Variants in EYA1 observed in about 807,000 individuals in gnomAD.
The protein encoded by EYA1 is EYA transcriptional coactivator and phosphatase 1.
In EYA1, 16 loss-of-function variants were observed where a neutral mutation model predicts 82.0. The observed-to-expected ratio is 0.20, with a 90% CI of 0.13 to 0.30. EYA1 has a LOEUF of 0.30. EYA1 is among the 10% of genes least tolerant of loss of function. The probability of loss-of-function intolerance (pLI) is 1.00; values close to 1 mark genes in which losing one functional copy is unlikely to be tolerated. For synonymous variants in EYA1, 261 were observed against 264.4 expected (o/e 0.99, Z 0.12); for missense variants, 633 against 730.7 (o/e 0.87, Z 1.54).
chr8:71,547,476 T>C (rs868158379), intron 1 of EYA1: 3 of 152,140 alleles, frequency 2.0e-5, no homozygotes, highest in African/African-American at 4.8e-5. Flanking sequence ...GCCCCATTAT[T>C]GCGCGCACCC....
At chr8:71,401,664 A>G (rs1256216404) in intron 2 of EYA1, among the ~76,000 whole-genome samples, 1 of 152,208 alleles carries the variant, frequency 6.6e-6, no homozygotes, top group Non-Finnish European at 1.5e-5. Flanking sequence ...TTTCTTCATC[A>G]GTCAAATGGG....
chr8:71,300,294 A>T (rs931352336), intron 7 of EYA1, among the ~76,000 whole-genome samples: 1 of 152,214 alleles, frequency 6.6e-6, no homozygotes, highest in African/African-American at 2.4e-5. Flanking sequence ...CTGTCAAGAT[A>T]ATGTTCTGTC....
intron 3 of EYA1, among the ~76,000 whole-genome samples, chr8:71,334,543 C>G (rs1824266465): frequency 6.6e-6 from 1 of 152,012 alleles, no homozygotes; most frequent in African/African-American, 2.4e-5. Context: ...TGGTCAGAGT[C>G]AAAAGGATAG....
intron 11 of EYA1, among the ~76,000 whole-genome samples, chr8:71,261,069 T>C (rs554648739): frequency 1.3e-5 from 2 of 152,160 alleles, no homozygotes; most frequent in Non-Finnish European, 2.9e-5. Context: ...TAAGACCCCA[T>C]GCTGGCTGCC....
chr8:71,441,133 A>T (rs1413944864), intron 2 of EYA1, among the ~76,000 whole-genome samples: 1 of 152,222 alleles, frequency 6.6e-6, no homozygotes, highest in East Asian at 1.9e-4. Context: ...ATTGTAACAT[A>T]ATAGTCATAA....
chr8:71,473,530 C>A (rs1809403562), intron 2 of EYA1, among the ~76,000 whole-genome samples: 1 of 152,006 alleles, frequency 6.6e-6, no homozygotes, highest in Non-Finnish European at 1.5e-5. Context: ...GAATGGTGAT[C>A]ATTAAAAAGT....
chr8:71,511,299 T>C (rs1457667639), intron 2 of EYA1, among the ~76,000 whole-genome samples: 2 of 152,140 alleles, frequency 1.3e-5, no homozygotes, highest in Non-Finnish European at 2.9e-5. Context: ...ATGTGGGTAA[T>C]GAAAAACCAA....
chr8:71,350,258 T>C (rs530671615), intron 3 of EYA1, among the ~76,000 whole-genome samples: 2 of 152,330 alleles, frequency 1.3e-5, no homozygotes, highest in Admixed American at 1.3e-4. Flanking sequence ...AGTTTAGATA[T>C]TTCTTGTAAA....
Position 71,321,781 on chromosome 8 carries a change from T to C in EYA1, c.371A>G (p.Tyr124Cys). ...CTGTCCTGGCTGTGGGTACGTGGCA[T>C]AGGCTGTAGCTTGTTGCATTCCTGT... ...FTTGMQQATA[Y>C]ATYPQPGQPY... Residue 124 changes from tyrosine (Y) to cysteine (C), a missense_variant, in exon 6 of 18, where the codon TAT (tyrosine) becomes TGT (cysteine). Physicochemically the swap from Tyr to Cys is radical, Grantham distance 194 (BLOSUM62 -2). Transcript: ENST00000340726. 1.2e-6 allele frequency: 2 copies of C among 1,614,230 alleles called. No homozygotes were observed. The highest frequency in any genetic ancestry group is 1.1e-5 in the South Asian group (1 of 91,086).
At chr8:71,479,233 T>G (rs956692614) in intron 2 of EYA1, among the ~76,000 whole-genome samples, 3 of 152,166 alleles carry the variant, frequency 2.0e-5, no homozygotes, top group African/African-American at 7.2e-5. Flanking sequence ...AGCTGTTCCA[T>G]GACATTGAGA....
At chr8:71,520,753 G>C (rs1202472070) in intron 2 of EYA1, among the ~76,000 whole-genome samples, 1 of 152,098 alleles carries the variant, frequency 6.6e-6, no homozygotes, top group Admixed American at 6.5e-5. Flanking sequence ...GTTTAAAGCA[G>C]TTGAGATAAT....
At chr8:71,486,315 G>A (rs1810567178) in intron 2 of EYA1, among the ~76,000 whole-genome samples, 2 of 152,142 alleles carry the variant, frequency 1.3e-5, no homozygotes, top group African/African-American at 4.8e-5. Context: ...AATCCTGGGA[G>A]GCACACAGAA....
At chr8:71,317,209 CATGCCATATCACA>C (rs1276753628) in intron 7 of EYA1, among the ~76,000 whole-genome samples, 2 of 152,170 alleles carry the variant, frequency 1.3e-5, no homozygotes, top group African/African-American at 4.8e-5. Flanking sequence ...GTTTTTAGTA[CATGCCATATCACA>C]ACCTCCTACG....
chr8:71,271,665 C>T (rs1816546579), intron 10 of EYA1, 93 bp downstream of exon 10: 2 of 1,403,540 alleles, frequency 1.4e-6, no homozygotes, highest in Admixed American at 1.7e-5. Context: ...CATCTGATAC[C>T]TTAACCACTG....
chr8:71,210,739 T>A (rs191327022), intron 17 of EYA1, among the ~76,000 whole-genome samples: 2 of 152,322 alleles, frequency 1.3e-5, no homozygotes, highest in East Asian at 3.9e-4. Flanking sequence ...CCAAGTCAGC[T>A]TTGACCAACT....
At chr8:71,471,782 T>C (rs1309088642) in intron 2 of EYA1, among the ~76,000 whole-genome samples, 2 of 152,102 alleles carry the variant, frequency 1.3e-5, no homozygotes, top group Admixed American at 6.6e-5. Context: ...TGTTATCATA[T>C]AATACAAATT....
At chr8:71,487,523 A>G (rs1563664658) in intron 2 of EYA1, among the ~76,000 whole-genome samples, 1 of 152,230 alleles carries the variant, frequency 6.6e-6, no homozygotes, top group East Asian at 1.9e-4. Context: ...GCCAGAGAAT[A>G]TTATATGCAA....
chr8:71,387,916 C>G (rs1293540395), intron 2 of EYA1, among the ~76,000 whole-genome samples: 1 of 151,896 alleles, frequency 6.6e-6, no homozygotes. Context: ...ACACAAAAAC[C>G]CAAGCATTAG....
intron 1 of EYA1, among the ~76,000 whole-genome samples, chr8:71,537,818 A>G (rs1234331027): frequency 6.6e-6 from 1 of 152,230 alleles, no homozygotes; most frequent in African/African-American, 2.4e-5. Context: ...TAAGGTATTA[A>G]GAATGGTCAA....
Sources: allele counts gnomAD v4.1 joint callset (sites outside exome capture counted in the v4.1 genomes callset), GRCh38; gene constraint gnomAD v4.1.1; transcripts MANE v1.5; gene names NCBI Gene and HGNC (gene_info 2026-07-23, HGNC 2026-07-21).